EYA3: variants seen among roughly 807,000 people sequenced by gnomAD.
EYA3 encodes the protein protein phosphatase EYA3.
A neutral mutation model predicts 80.0 loss-of-function variants in EYA3; 39 were observed. That is an observed-to-expected ratio of 0.49 (90% CI 0.38 to 0.64). The LOEUF is 0.64. Ranked by LOEUF, EYA3 falls within the 30% of genes least tolerant of loss-of-function variation. The pLI, the probability that EYA3 is intolerant of heterozygous loss-of-function variation, is 0.00. For synonymous variants in EYA3, 206 were observed against 232.8 expected, an observed-to-expected ratio of 0.88 and a Z score of 1.05; for missense variants, 523 against 676.1, an observed-to-expected ratio of 0.77 and a Z score of 2.51.
chr1:27,974,682 T>C (rs1404260340), intron 17 of EYA3, 136 bp from the exon 18 acceptor site: 1 of 606,800 alleles, frequency 1.6e-6, no homozygotes, highest in Non-Finnish European at 2.9e-6. Context: ...CATAGGGCTG[T>C]TATAATGATC....
At chr1:28,077,655 T>G (rs777847790) in intron 1 of EYA3, among the ~76,000 whole-genome samples, 2 of 151,972 alleles carry the variant, frequency 1.3e-5, no homozygotes, top group Non-Finnish European at 2.9e-5. Context: ...AAACAAGAAA[T>G]CAAAAAGAAT....
Position 28,055,025 on chromosome 1 carries a change from G to A in EYA3, c.33+2969C>T, listed in dbSNP as rs75523824. Among the ~76,000 whole-genome samples, 1,162 of 152,248 alleles carry A rather than the reference G, an allele frequency of 7.6e-3. 14 individuals carry two copies. Among genetic ancestry groups the A allele is most frequent in the African/African-American group, 0.026 (1,080 of 41,530 alleles). ...CAGACCTTTGTAGACACCTAGAAAG[G>A]ATATGACAATCACCTGGAGCTATTA... On this transcript the variant is annotated intron_variant, in intron 2 of 17. Coordinates refer to ENST00000373871, the MANE Select transcript of EYA3 (RefSeq NM_001990.4).
intron 6 of EYA3, among the ~76,000 whole-genome samples, chr1:28,035,145 C>CA (rs1304119441): frequency 6.0e-5 from 9 of 151,134 alleles, no homozygotes; most frequent in African/African-American, 1.5e-4. Context: ...GAGAAGTTGG[C>CA]AAAAAAAACC....
At chr1:28,042,459 C>T (rs1173745410) in intron 4 of EYA3, 112 bp downstream of exon 4, 5 of 822,412 alleles carry the variant, frequency 6.1e-6, no homozygotes, top group Non-Finnish European at 1.0e-5. Context: ...GATGGGAGAG[C>T]CTTCAGGATA....
intron 1 of EYA3, among the ~76,000 whole-genome samples, chr1:28,068,061 T>A (rs1308190639): frequency 1.3e-5 from 2 of 152,068 alleles, no homozygotes; most frequent in African/African-American, 4.8e-5. Flanking sequence ...CTTTTAAAAT[T>A]ACATTCCTTT....
rs1638744468 is a variant in EYA3 at position 27,971,733 on chromosome 1, T to C, written c.*2733A>G. The C allele has an allele frequency of 6.6e-6, 1 of 152,170 alleles. No individual in the cohort carries two copies. The allele number at this position is 152,170 out of a possible 1,614,324, so 9.4% of individuals were successfully genotyped here. On this transcript the variant is annotated 3_prime_UTR_variant, in exon 18 of 18. Transcript: ENST00000373871. ...CTTGATGAATGGACCCACAGTGTCC[T>C]TTGGTCCTCAGCTTCTAACAGCTCT...
At position 28,011,030 on chromosome 1, in the gene EYA3, C is replaced by A; in HGVS notation, c.826G>T (p.Asp276Tyr). 1 of 1,614,012 alleles carries A rather than the reference C, an allele frequency of 6.2e-7. No individual in the cohort carries two copies. Among genetic ancestry groups the A allele is most frequent in the South Asian group, 1.1e-5 (1 of 91,070 alleles). The change falls in exon 10 of 18, where the codon GAT (aspartate) becomes TAT (tyrosine). Residue 276 changes from aspartate (D) to tyrosine (Y), a missense_variant. Coordinates refer to ENST00000373871, the MANE Select transcript of EYA3 (RefSeq NM_001990.4). Reference sequence around the variant, plus strand: ...CTAGTCATGTTTTTCCTGGACTGATCATCAGTATCTTTACTTGGTGTAGTC... The same window carrying A: ...CTAGTCATGTTTTTCCTGGACTGATAATCAGTATCTTTACTTGGTGTAGTC... ...SQTTPSKDTD[D>Y]QSRKNMTSKN... is the part of the protein sequence containing the mutation.
intron 1 of EYA3, among the ~76,000 whole-genome samples, chr1:28,085,497 G>A (rs769677816): frequency 7.2e-5 from 11 of 151,984 alleles, no homozygotes; most frequent in African/African-American, 2.2e-4. Context: ...CTACATCTCC[G>A]TAAACACAGG....
At chr1:28,031,639 A>C (rs989688390) in intron 6 of EYA3, among the ~76,000 whole-genome samples, 3 of 152,208 alleles carry the variant, frequency 2.0e-5, no homozygotes, top group Non-Finnish European at 4.4e-5. Context: ...AGTGCTCTTT[A>C]GAGATTAGTC....
chr1:28,033,457 T>C (rs1483467785), intron 6 of EYA3, among the ~76,000 whole-genome samples: 1 of 152,066 alleles, frequency 6.6e-6, no homozygotes, highest in Non-Finnish European at 1.5e-5. Flanking sequence ...TGATTATCTC[T>C]TTCTGAATTA....
chr1:28,087,159 G>A (rs1571997136), intron 1 of EYA3, among the ~76,000 whole-genome samples: 1 of 152,012 alleles, frequency 6.6e-6, no homozygotes. Context: ...TAAACATCGG[G>A]AAAAAATAAA....
At chr1:28,053,438 T>C (rs1026403845) in intron 2 of EYA3, among the ~76,000 whole-genome samples, 4 of 152,200 alleles carry the variant, frequency 2.6e-5, no homozygotes, top group African/African-American at 2.4e-5. Context: ...CTACAATGTA[T>C]AATCACACTT....
chr1:28,052,335 C>T (rs1161984546), intron 2 of EYA3, among the ~76,000 whole-genome samples: 1 of 152,066 alleles, frequency 6.6e-6, no homozygotes, highest in Non-Finnish European at 1.5e-5. Flanking sequence ...TACTATAAAG[C>T]TAGAGTAATC....
chr1:28,065,060 C>G (rs1180335140), intron 1 of EYA3, among the ~76,000 whole-genome samples: 1 of 152,206 alleles, frequency 6.6e-6, no homozygotes, highest in Non-Finnish European at 1.5e-5. Flanking sequence ...GGGGGATACA[C>G]TGCAAGACCC....
chr1:28,011,351 A>G (rs1641684665), intron 9 of EYA3, among the ~76,000 whole-genome samples: 1 of 152,240 alleles, frequency 6.6e-6, no homozygotes, highest in Non-Finnish European at 1.5e-5. Context: ...GCCAAGAAAA[A>G]GCTGAACCTG....
At position 28,042,954 on chromosome 1, in the gene EYA3, C is replaced by T. The variant is rs557186387; in HGVS notation, c.78-304G>A. Reference sequence around the variant, plus strand: ...CCGCCTCCTGGGTTCAAGCAATTCTCCTGCCTCAGCCTCCTGAGTAGCTGG... The same window carrying T: ...CCGCCTCCTGGGTTCAAGCAATTCTTCTGCCTCAGCCTCCTGAGTAGCTGG... On this transcript the variant is annotated intron_variant, in intron 3 of 17. Coordinates refer to ENST00000373871, the MANE Select transcript of EYA3 (RefSeq NM_001990.4). 3.0e-3 allele frequency among the ~76,000 whole-genome samples: 459 copies of T among 152,230 alleles called. 2 individuals are homozygous for T. Among genetic ancestry groups the T allele is most frequent in the African/African-American group, 0.01 (424 of 41,544 alleles).
Position 27,989,738 on chromosome 1 carries a change from C to T in EYA3, c.1377G>A (p.Trp459Ter). The T allele has an allele frequency of 6.2e-7, 1 of 1,612,332 alleles. No individual in the cohort carries two copies. The highest frequency in any genetic ancestry group is 2.2e-5 in the East Asian group (1 of 44,688). The change falls in exon 15 of 18, where the codon TGG becomes TGA. Residue 459 changes from tryptophan to a stop codon, truncating the protein, a stop_gained. Coordinates refer to ENST00000373871, the MANE Select transcript of EYA3 (RefSeq NM_001990.4). LOFTEE classifies it high-confidence loss of function. ...GTAAGGACTTTAATGCAGTTCCTAA[C>T]CAGGAATCTGTTAAAACTTCAATTT... Reference protein sequence around the residue: ...RAEIEVLTDSWLGTALKSLLL... With the variant: ...RAEIEVLTDS
chr1:28,054,068 G>A (rs116429265), intron 2 of EYA3, among the ~76,000 whole-genome samples: 1 of 152,170 alleles, frequency 6.6e-6, no homozygotes, highest in African/African-American at 2.4e-5. Flanking sequence ...ACAAACAGAA[G>A]GACACTGTTC....
intron 1 of EYA3, among the ~76,000 whole-genome samples, chr1:28,061,705 T>C (rs1304714297): frequency 2.0e-5 from 3 of 152,240 alleles, no homozygotes; most frequent in South Asian, 4.1e-4. Context: ...GTTCACGCCA[T>C]TCTCCTGCCT....
Sources: gnomAD v4.1 joint callset for allele counts (sites outside exome capture counted in the v4.1 genomes callset) on GRCh38, gnomAD v4.1.1 for gene constraint, MANE v1.5 for transcripts, NCBI Gene and HGNC (gene_info 2026-07-23, HGNC 2026-07-21) for gene names.